ECI2: variants seen among roughly 807,000 people sequenced by gnomAD.
ECI2 encodes D3,D2-enoyl-CoA isomerase.
A neutral mutation model predicts 38.4 loss-of-function variants in ECI2; 27 were observed. That is an observed-to-expected ratio of 0.70 (90% CI 0.52 to 0.97). The LOEUF (loss-of-function observed/expected upper bound fraction) is 0.97, where lower values mean the gene tolerates loss of function less well. Among genes scored for constraint, ECI2 ranks in the 50% least tolerant of loss-of-function variants. ECI2 has a pLI of 0.00. For synonymous variants in ECI2, 168 were observed against 172.0 expected (o/e 0.98, Z 0.18); for missense variants, 470 against 474.4 (o/e 0.99, Z 0.09).
intron 5 of ECI2, among the ~76,000 whole-genome samples, chr6:4,127,217 ATTTGT>A (rs1773217706): frequency 6.6e-6 from 1 of 152,048 alleles, no homozygotes; most frequent in Admixed American, 6.6e-5. Flanking sequence ...GTTTTTGAAC[ATTTGT>A]TTTCTGGTTT....
chr6:4,131,075 G>C, intron 2 of ECI2: 1 of 469,476 alleles, frequency 2.1e-6, no homozygotes, highest in Non-Finnish European at 3.7e-6. Flanking sequence ...AATTATAACT[G>C]CCTGTCTATG....
At chr6:4,131,058 G>A in intron 2 of ECI2, 193 bp from the exon 3 acceptor site, 1 of 487,120 alleles carries the variant, frequency 2.1e-6, no homozygotes, top group South Asian at 4.1e-5. Flanking sequence ...AAAAAAGACT[G>A]GAAATAAATT....
At chr6:4,135,364 C>T in intron 1 of ECI2, 147 bp downstream of exon 1, 1 of 1,509,508 alleles carries the variant, frequency 6.6e-7, no homozygotes, top group East Asian at 2.4e-5. Context: ...CACTTTTTAG[C>T]ACTACCTCAC....
intron 6 of ECI2, 141 bp from the exon 7 acceptor site, chr6:4,125,511 T>C (rs1773091277): frequency 5.7e-6 from 7 of 1,228,596 alleles, no homozygotes; most frequent in Admixed American, 2.3e-5. Context: ...CTCCTTGTCC[T>C]GCCACTTCCC....
chr6:4,130,191 A>C (rs370447812), intron 4 of ECI2, 181 bp downstream of exon 4: 4 of 1,613,756 alleles, frequency 2.5e-6, no homozygotes, highest in Non-Finnish European at 3.4e-6. Flanking sequence ...GAAATTCACA[A>C]ACTCTAAACA....
At chr6:4,125,005 G>T in intron 7 of ECI2, 2 of 631,194 alleles carry the variant, frequency 3.2e-6, no homozygotes, top group Non-Finnish European at 5.7e-6. Flanking sequence ...TATACCTATT[G>T]TGGAATTTGA....
intron 4 of ECI2, 42 bp from the exon 5 acceptor site, chr6:4,127,873 A>G: frequency 1.9e-6 from 3 of 1,572,588 alleles, no homozygotes; most frequent in Non-Finnish European, 2.6e-6. Flanking sequence ...AACTCTGAAC[A>G]CAGGAATCAT....
Position 4,130,840 on chromosome 6 carries a change from G to A in ECI2, c.239C>T (p.Pro80Leu). ...KQATEGPCNM[P>L]KPGVFDLINK... ...GATCAAGTCAAATACACCTGGTTTG[G>A]GCATGTTACAAGGTCCTTCAGTGGC... Residue 80 changes from proline (P) to leucine (L), a missense_variant, in exon 3 of 10, where the codon CCC becomes CTC. Physicochemically the swap from Pro to Leu is moderately conservative, Grantham distance 98 (BLOSUM62 -3). Transcript: ENST00000380118. The A allele has an allele frequency of 6.2e-7, 1 of 1,614,170 alleles. No homozygotes were observed. The highest frequency in any genetic ancestry group is 8.5e-7 in the Non-Finnish European group (1 of 1,180,032).
chr6:4,127,648 CGGGAGCCACCTGCCT>C (rs1479906306), intron 5 of ECI2, 99 bp downstream of exon 5: 2 of 1,001,140 alleles, frequency 2.0e-6, no homozygotes, highest in Non-Finnish European at 2.9e-6. Context: ...CTCCTGACCT[CGGGAGCCACCTGCCT>C]CGGCCTCCAG....
At chr6:4,129,025 G>A (rs1773354340) in intron 4 of ECI2, among the ~76,000 whole-genome samples, 1 of 152,128 alleles carries the variant, frequency 6.6e-6, no homozygotes, top group African/African-American at 2.4e-5. Context: ...ATTAGGAGAT[G>A]GATTATCAGG....
chr6:4,123,010 G>T (rs1307252223), intron 7 of ECI2, among the ~76,000 whole-genome samples: 1 of 152,092 alleles, frequency 6.6e-6, no homozygotes, highest in African/African-American at 2.4e-5. Context: ...ATTGCCCACA[G>T]TATAAAATAG....
intron 7 of ECI2, among the ~76,000 whole-genome samples, chr6:4,124,215 C>A (rs1222080303): frequency 6.6e-6 from 1 of 152,190 alleles, no homozygotes; most frequent in African/African-American, 2.4e-5. Context: ...AAAGGCTGGG[C>A]AGCCTGGCAC....
chr6:4,123,299 C>T (rs1317886350), intron 7 of ECI2, among the ~76,000 whole-genome samples: 1 of 151,956 alleles, frequency 6.6e-6, no homozygotes, highest in Non-Finnish European at 1.5e-5. Flanking sequence ...GCCTCAGCCT[C>T]CAATGTAGCT....
chr6:4,121,361 T>G (rs1423542730), intron 7 of ECI2, among the ~76,000 whole-genome samples: 1 of 152,228 alleles, frequency 6.6e-6, no homozygotes, highest in Admixed American at 6.5e-5. Context: ...AGTCTTTTAT[T>G]AGAGCGTCAG....
At chr6:4,126,372 A>C in intron 5 of ECI2, 135 bp from the exon 6 acceptor site, 1 of 677,822 alleles carries the variant, frequency 1.5e-6, no homozygotes, top group South Asian at 1.9e-5. Flanking sequence ...CTAACTTACA[A>C]ACTAGTGAGT....
At chr6:4,129,708 A>C (rs1773402333) in intron 4 of ECI2, among the ~76,000 whole-genome samples, 1 of 152,204 alleles carries the variant, frequency 6.6e-6, no homozygotes, top group East Asian at 1.9e-4. Context: ...AGATGATTTT[A>C]AAGTGAGTAT....
chr6:4,117,380 T>G lies in ECI2; in HGVS notation c.957A>C (p.Glu319Asp). The G allele has an allele frequency of 6.2e-7, 1 of 1,614,102 alleles. No individual in the cohort carries two copies. Among genetic ancestry groups the G allele is most frequent in the South Asian group, 1.1e-5 (1 of 91,068 alleles). Residue 319 changes from glutamate (E) to aspartate (D), a missense_variant, in exon 9 of 10, where the codon GAA becomes GAC. Transcript: ENST00000380118. ...TCTGAAAAGTGCTATCAGGGAAAACTTCAGTAACAAGTCCTTGAGCACATG... is the reference window on the plus strand; with the variant it reads ...TCTGAAAAGTGCTATCAGGGAAAACGTCAGTAACAAGTCCTTGAGCACATG... Reference protein sequence around the residue: ...GEACAQGLVTEVFPDSTFQKE... With the variant: ...GEACAQGLVTDVFPDSTFQKE...
Position 4,127,757 on chromosome 6 carries a change from C to T in ECI2, c.571+5G>A, listed in dbSNP as rs749244772. The T allele has an allele frequency of 6.2e-7, 1 of 1,610,394 alleles. No homozygotes were observed. The highest frequency in any genetic ancestry group is 8.5e-7 in the Non-Finnish European group (1 of 1,178,596). ...TTAATTAGGATGCCTGAGAAAATGT[C>T]TTACCTGTTAAAACAGTGATGATTG... On this transcript the variant is annotated splice_donor_5th_base_variant and intron_variant, in intron 5 of 9. Coordinates refer to ENST00000380118, the MANE Select transcript of ECI2 (RefSeq NM_206836.3).
chr6:4,135,476 G>C (rs758253039), intron 1 of ECI2, 35 bp downstream of exon 1: 13 of 1,610,916 alleles, frequency 8.1e-6, no homozygotes, highest in East Asian at 6.7e-5. Context: ...TCCTGCGGGC[G>C]ACCATGGGCC....
Sources: allele counts gnomAD v4.1 joint callset (sites outside exome capture counted in the v4.1 genomes callset), GRCh38; gene constraint gnomAD v4.1.1; transcripts MANE v1.5; gene names NCBI Gene and HGNC (gene_info 2026-07-23, HGNC 2026-07-21).